Variants in ADGRG7 observed in about 807,000 individuals in gnomAD.
The protein encoded by ADGRG7 is G-protein coupled receptor 128.
ADGRG7 carries 82 observed loss-of-function variants against 88.6 expected under a neutral mutation model. The observed-to-expected ratio is 0.93, with a 90% confidence interval of 0.77 to 1.11. The LOEUF (loss-of-function observed/expected upper bound fraction) is 1.11, where lower values mean the gene tolerates loss of function less well. ADGRG7 is among the 50% of genes most tolerant of loss of function. The pLI is 0.00. For synonymous variants in ADGRG7, 381 were observed against 345.2 expected (o/e 1.10, Z -1.15); for missense variants, 945 against 953.4 (o/e 0.99, Z 0.12).
chr3:100,615,480 C>A (rs1427949111), intron 1 of ADGRG7, among the ~76,000 whole-genome samples: 1 of 152,128 alleles, frequency 6.6e-6, no homozygotes, highest in Non-Finnish European at 1.5e-5. Context: ...TATCCTCAAC[C>A]AAGATGCAAA....
chr3:100,673,461 CTTCTTCT>C (rs1392867704), intron 15 of ADGRG7, among the ~76,000 whole-genome samples: 1 of 129,660 alleles, frequency 7.7e-6, no homozygotes, highest in East Asian at 2.2e-4. Context: ...TCTCTCTTTT[CTTCTTCT>C]TTTTTTTTTT....
intron 15 of ADGRG7, among the ~76,000 whole-genome samples, chr3:100,684,566 C>A (rs2094979061): frequency 6.6e-6 from 1 of 152,128 alleles, no homozygotes; most frequent in South Asian, 2.1e-4. Flanking sequence ...CTGTGCCTGG[C>A]CAGTTTTGCC....
rs115547056 is a variant in ADGRG7 at position 100,692,589 on chromosome 3, C to T, written c.2137-2155C>T. Among the ~76,000 whole-genome samples the T allele has an allele frequency of 6.5e-3, 985 of 152,190 alleles. 7 individuals carry two copies. Among genetic ancestry groups the T allele is most frequent in the African/African-American group, 0.011 (474 of 41,528 alleles). ...ATTACAACATGGTAAAATTGAGTAT[C>T]GCAATGTGGCAAGGACATGGAGCTA... On this transcript the variant is annotated intron_variant, in intron 15 of 15. Transcript: ENST00000273352.
chr3:100,619,785 C>T lies in ADGRG7; in HGVS notation c.116-9813C>T, dbSNP rs571616063. 1.4e-3 allele frequency among the ~76,000 whole-genome samples: 215 copies of T among 152,134 alleles called. 1 individual carries two copies. The highest frequency in any genetic ancestry group is 0.01 in the Middle Eastern group (3 of 292). Reference sequence around the variant, plus strand: ...TCAGAGAATACTATAAACACCTCTACGCAAATAAACTAGAAAATCTAGAAG... The same window carrying T: ...TCAGAGAATACTATAAACACCTCTATGCAAATAAACTAGAAAATCTAGAAG... On this transcript the variant is annotated intron_variant, in intron 1 of 15. Coordinates refer to ENST00000273352, the MANE Select transcript of ADGRG7 (RefSeq NM_032787.3).
intron 10 of ADGRG7, among the ~76,000 whole-genome samples, chr3:100,647,611 T>C (rs1326854748): frequency 1.3e-5 from 2 of 152,246 alleles, no homozygotes; most frequent in Admixed American, 6.5e-5. Flanking sequence ...GGCGTGCAGC[T>C]GTGCATGCGT....
intron 2 of ADGRG7, among the ~76,000 whole-genome samples, chr3:100,630,014 T>A (rs1707438301): frequency 6.6e-6 from 1 of 152,186 alleles, no homozygotes; most frequent in African/African-American, 2.4e-5. Context: ...TTCTCTCAGG[T>A]CCTTTCAATT....
At chr3:100,690,612 T>C (rs2094991585) in intron 15 of ADGRG7, among the ~76,000 whole-genome samples, 1 of 152,210 alleles carries the variant, frequency 6.6e-6, no homozygotes, top group African/African-American at 2.4e-5. Context: ...TGCAGGTCTG[T>C]TGGAGTTTGC....
At chr3:100,643,207 ACATACCTTT>A in intron 6 of ADGRG7, 50 bp from the exon 7 acceptor site, 2 of 1,493,168 alleles carry the variant, frequency 1.3e-6, no homozygotes, top group Non-Finnish European at 1.8e-6. Context: ...AAGACAGAAC[ACATACCTTT>A]CATTTTATGA....
intron 15 of ADGRG7, 122 bp from the exon 16 acceptor site, chr3:100,694,622 C>A: frequency 1.1e-6 from 1 of 934,390 alleles, no homozygotes. Context: ...TGCACACTGG[C>A]AAATTCAAGT....
At chr3:100,657,649 T>A (rs578164327) in intron 13 of ADGRG7, among the ~76,000 whole-genome samples, 1 of 152,308 alleles carries the variant, frequency 6.6e-6, no homozygotes, top group South Asian at 2.1e-4. Context: ...ACCAAGGAGT[T>A]AAACACTTCA....
At chr3:100,613,944 T>C (rs1254236899) in intron 1 of ADGRG7, among the ~76,000 whole-genome samples, 2 of 152,230 alleles carry the variant, frequency 1.3e-5, no homozygotes, top group Admixed American at 1.3e-4. Flanking sequence ...GAGCAAATTA[T>C]TAACTTTGAG....
chr3:100,610,271 A>G (rs2149008982), intron 1 of ADGRG7, among the ~76,000 whole-genome samples: 1 of 152,356 alleles, frequency 6.6e-6, no homozygotes, highest in Middle Eastern at 3.4e-3. Flanking sequence ...TTAGTAACAC[A>G]CATTTAGGTC....
chr3:100,673,867 C>T (rs2094961692), intron 15 of ADGRG7, among the ~76,000 whole-genome samples: 1 of 152,206 alleles, frequency 6.6e-6, no homozygotes, highest in Admixed American at 6.5e-5. Flanking sequence ...CTATCTCCTT[C>T]AGTTCTGGTC....
chr3:100,650,668 T>C (rs914083364), intron 11 of ADGRG7, among the ~76,000 whole-genome samples: 16 of 152,204 alleles, frequency 1.1e-4, no homozygotes, highest in Non-Finnish European at 1.3e-4. Flanking sequence ...TATTGTTGGC[T>C]GTAAGTTTGA....
chr3:100,693,022 G>T (rs2094996493), intron 15 of ADGRG7, among the ~76,000 whole-genome samples: 1 of 152,098 alleles, frequency 6.6e-6, no homozygotes, highest in African/African-American at 2.4e-5. Flanking sequence ...TACTTAGAAG[G>T]CACAATTTGA....
intron 14 of ADGRG7, among the ~76,000 whole-genome samples, chr3:100,668,624 G>A (rs1381184763): frequency 1.3e-5 from 2 of 152,182 alleles, no homozygotes; most frequent in Non-Finnish European, 2.9e-5. Flanking sequence ...TCCTCCATTG[G>A]CTGATCTGTA....
chr3:100,680,622 GT>G (rs1174458408), intron 15 of ADGRG7, among the ~76,000 whole-genome samples: 2 of 151,922 alleles, frequency 1.3e-5, no homozygotes, highest in Non-Finnish European at 2.9e-5. Flanking sequence ...ACTTCTTTGC[GT>G]TTTGGGGGTC....
At chr3:100,691,068 C>T (rs910387893) in intron 15 of ADGRG7, among the ~76,000 whole-genome samples, 65 of 152,290 alleles carry the variant, frequency 4.3e-4, no homozygotes, top group East Asian at 2.9e-3. Flanking sequence ...CAATGGCGGG[C>T]GCCCCTCCCT....
rs766311385 is a variant in ADGRG7, at chr3:100,633,260, T to C, written c.335-5T>C. The C allele has an allele frequency of 2.1e-6, 3 of 1,410,000 alleles. No individual in the cohort carries two copies. The highest frequency in any genetic ancestry group is 2.8e-6 in the Non-Finnish European group (3 of 1,072,780). 87.3% of individuals were successfully genotyped at this position (1,410,000 alleles called of 1,614,324 possible). On this transcript the variant is annotated splice_region_variant and splice_polypyrimidine_tract_variant and intron_variant, in intron 3 of 15. Coordinates refer to ENST00000273352, the MANE Select transcript of ADGRG7 (RefSeq NM_032787.3). The stretch of plus-strand genomic sequence containing the variant: ...TTTTTAATAAAAAATTTCTTTGTAT[T>C]AAAGCGGGCAATCCAATGGCAGTCC...
Sources: allele counts gnomAD v4.1 joint callset (sites outside exome capture counted in the v4.1 genomes callset), GRCh38; gene constraint gnomAD v4.1.1; transcripts MANE v1.5; gene names NCBI Gene and HGNC (gene_info 2026-07-23, HGNC 2026-07-21).